SMCHD1: variants seen among roughly 807,000 people sequenced by gnomAD.
SMCHD1 encodes structural maintenance of chromosomes flexible hinge domain containing 1.
SMCHD1 carries 78 observed loss-of-function variants against 254.7 expected under a neutral mutation model. That is an observed-to-expected ratio of 0.31 (90% CI 0.26 to 0.37). The LOEUF (loss-of-function observed/expected upper bound fraction) is 0.37, where lower values mean the gene tolerates loss of function less well. Ranked by LOEUF, SMCHD1 falls within the 10% of genes least tolerant of loss-of-function variation. The probability of loss-of-function intolerance (pLI) is 1.00; values close to 1 mark genes in which losing one functional copy is unlikely to be tolerated. For missense variants in SMCHD1, 1,840 were observed against 2,408.1 expected, an observed-to-expected ratio of 0.76 and a Z score of 4.94; for synonymous variants, 766 against 794.9, an observed-to-expected ratio of 0.96 and a Z score of 0.61.
At chr18:2,704,009 T>C (rs769224792) in intron 13 of SMCHD1, 123 bp downstream of exon 13, 10 of 689,626 alleles carry the variant, frequency 1.5e-5, no homozygotes, top group Non-Finnish European at 2.2e-5. Context: ...CATTCTCACA[T>C]TTCATGAAGA....
intron 34 of SMCHD1, chr18:2,752,847 C>G: frequency 4.2e-6 from 1 of 239,940 alleles, no homozygotes; most frequent in Non-Finnish European, 8.0e-6. Context: ...TAGGAGGTTT[C>G]TATAAAGATT....
rs562011984 is a variant in SMCHD1, at chr18:2,691,419, T to C, written c.873+2672T>C. Among the ~76,000 whole-genome samples the C allele has an allele frequency of 5.3e-5, 8 of 152,324 alleles. No homozygotes were observed. In the East Asian group the frequency reaches 1.5e-3, roughly 29 times the overall value. On this transcript the variant is annotated intron_variant, in intron 7 of 47. Transcript: ENST00000320876. Reference sequence around the variant, plus strand: ...ACTAGTCTTTTCCAGCCTATTTTTGTTGGACTTCTATCTCTGATCTGTGAG... The same window carrying C: ...ACTAGTCTTTTCCAGCCTATTTTTGCTGGACTTCTATCTCTGATCTGTGAG...
chr18:2,657,273 T>G lies in SMCHD1; in HGVS notation c.186+1012T>G, dbSNP rs531292907. Among the ~76,000 whole-genome samples, 34 of 152,322 alleles carry G rather than the reference T, an allele frequency of 2.2e-4. 1 individual carries two copies. The South Asian group carries it at 5.8e-3, about 26-fold the overall frequency. On this transcript the variant is annotated intron_variant, in intron 1 of 47. Transcript: ENST00000320876. ...TTGGAGAAGTAAGGACTTTCTTTTG[T>G]TCACAGCTGTAGTCCCAGCGTCTAG...
At chr18:2,763,547 T>C in intron 36 of SMCHD1, 90 bp from the exon 37 acceptor site, 2 of 1,027,142 alleles carry the variant, frequency 1.9e-6, no homozygotes, top group Admixed American at 3.9e-5. Flanking sequence ...TGTTGGGGGC[T>C]CTCTGTATTA....
intron 7 of SMCHD1, among the ~76,000 whole-genome samples, chr18:2,690,229 T>C (rs2074145088): frequency 6.6e-6 from 1 of 152,190 alleles, no homozygotes; most frequent in African/African-American, 2.4e-5. Flanking sequence ...ATTTAAAAAA[T>C]TAACATGTTG....
intron 12 of SMCHD1, among the ~76,000 whole-genome samples, chr18:2,703,308 G>A (rs1163466328): frequency 4.6e-5 from 7 of 151,834 alleles, no homozygotes; most frequent in Non-Finnish European, 7.4e-5. Context: ...GATTTTTATC[G>A]TCCCATTGAG....
intron 7 of SMCHD1, among the ~76,000 whole-genome samples, chr18:2,691,319 CTG>C (rs2074174226): frequency 6.6e-6 from 1 of 152,158 alleles, no homozygotes; most frequent in South Asian, 2.1e-4. Flanking sequence ...CCAGCCTTTT[CTG>C]TGTTTTGTGC....
At chr18:2,782,744 C>CA (rs779083565) in intron 44 of SMCHD1, among the ~76,000 whole-genome samples, 2,703 of 45,020 alleles carry the variant, frequency 0.06, 250 homozygotes, top group South Asian at 0.14. Flanking sequence ...GACCACAACT[C>CA]AAAAAAAAAA....
chr18:2,760,537 G>A, intron 34 of SMCHD1, 115 bp from the exon 35 acceptor site: 2 of 679,770 alleles, frequency 2.9e-6, no homozygotes, highest in Non-Finnish European at 5.3e-6. Context: ...ACTATTAGTA[G>A]TTCTATTCTT....
rs1474203689 is a variant in SMCHD1 at position 2,720,459 on chromosome 18, TG to T, written c.2458+2026del. Among the ~76,000 whole-genome samples the T allele has an allele frequency of 2.6e-5, 4 of 152,214 alleles. No homozygotes were observed. In the South Asian group the frequency reaches 6.2e-4, roughly 24 times the overall value. On this transcript the variant is annotated intron_variant, in intron 19 of 47. Coordinates refer to ENST00000320876, the MANE Select transcript of SMCHD1 (RefSeq NM_015295.3). ...GATTCATAGTTTGTTTCCTCCATGT[TG>T]TTTTTTTATTAGATATTCTGTTATA...
chr18:2,679,499 A>AAAAAAAAAAAAAAAAAAAAAT (rs2073874716), intron 5 of SMCHD1, among the ~76,000 whole-genome samples: 1 of 147,254 alleles, frequency 6.8e-6, no homozygotes, highest in Non-Finnish European at 1.5e-5. Flanking sequence ...AAAAAAAAAA[A>AAAAAAAAAAAAAAAAAAAAAT]GGAACTCTTG....
At chr18:2,686,311 AT>A (rs2074050979) in intron 5 of SMCHD1, among the ~76,000 whole-genome samples, 1 of 152,210 alleles carries the variant, frequency 6.6e-6, no homozygotes, top group Non-Finnish European at 1.5e-5. Flanking sequence ...CAGATGTTGC[AT>A]TTTCAGACTT....
At chr18:2,695,509 C>T (rs560880236) in intron 8 of SMCHD1, among the ~76,000 whole-genome samples, 5 of 152,116 alleles carry the variant, frequency 3.3e-5, no homozygotes, top group East Asian at 3.9e-4. Context: ...AGGTTTTTGC[C>T]GTGTTGGCCA....
chr18:2,693,944 A>G (rs1250746620), intron 7 of SMCHD1, among the ~76,000 whole-genome samples: 1 of 152,134 alleles, frequency 6.6e-6, no homozygotes, highest in Admixed American at 6.5e-5. Flanking sequence ...AATTTTTTAA[A>G]ACATAGATTC....
intron 30 of SMCHD1, among the ~76,000 whole-genome samples, chr18:2,748,358 G>GTGTA (rs2075500073): frequency 4.3e-5 from 1 of 23,498 alleles, no homozygotes; most frequent in Non-Finnish European, 1.2e-4. Context: ...GTGTGTGTGT[G>GTGTA]TGTGTGTGTG....
intron 37 of SMCHD1, among the ~76,000 whole-genome samples, chr18:2,766,380 C>T (rs575927824): frequency 6.6e-6 from 1 of 152,338 alleles, no homozygotes; most frequent in South Asian, 2.1e-4. Flanking sequence ...AGAGATTTAG[C>T]TATTCCCCAG....
intron 34 of SMCHD1, among the ~76,000 whole-genome samples, chr18:2,759,569 C>CTTTTTTTTT (rs763885639): frequency 1.4e-4 from 5 of 36,974 alleles, no homozygotes; most frequent in South Asian, 7.9e-4. Flanking sequence ...TTTTAATTCT[C>CTTTTTTTTT]TCTTTTTTTT....
At chr18:2,760,416 A>AT (rs2075765029) in intron 34 of SMCHD1, 3 of 313,504 alleles carry the variant, frequency 9.6e-6, no homozygotes, top group South Asian at 1.9e-4. Flanking sequence ...TGTTCTTTCA[A>AT]TTTTTACCAT....
chr18:2,711,959 C>A (rs1325274642), intron 17 of SMCHD1, among the ~76,000 whole-genome samples: 1 of 152,166 alleles, frequency 6.6e-6, no homozygotes, highest in Non-Finnish European at 1.5e-5. Flanking sequence ...GCCATATGAT[C>A]TCTGCATACA....
Sources: gnomAD v4.1 joint callset for allele counts (sites outside exome capture counted in the v4.1 genomes callset) on GRCh38, gnomAD v4.1.1 for gene constraint, MANE v1.5 for transcripts, NCBI Gene and HGNC (gene_info 2026-07-23, HGNC 2026-07-21) for gene names.